N4BP1: variants seen among roughly 807,000 people sequenced by gnomAD.
N4BP1 encodes NEDD4 binding protein 1.
A neutral mutation model predicts 70.9 loss-of-function variants in N4BP1; 21 were observed. The observed-to-expected ratio is 0.30, with a 90% CI of 0.21 to 0.43. N4BP1 has a LOEUF of 0.43. N4BP1 is among the 20% of genes least tolerant of loss of function. N4BP1 has a pLI of 1.00. For missense variants in N4BP1, 936 were observed against 1,069.4 expected (o/e 0.88, Z 1.74); for synonymous variants, 387 against 394.6 (o/e 0.98, Z 0.23).
intron 1 of N4BP1, among the ~76,000 whole-genome samples, chr16:48,597,894 T>C (rs888343917): frequency 2.6e-5 from 4 of 152,078 alleles, no homozygotes; most frequent in African/African-American, 4.8e-5. Flanking sequence ...TGCTGCAAAA[T>C]GAAGAAAAAG....
rs867057164 is a variant in N4BP1 at position 48,548,776 on chromosome 16, G to A, written c.2118-662C>T. On this transcript the variant is annotated intron_variant, in intron 4 of 6. Coordinates refer to ENST00000262384, the MANE Select transcript of N4BP1 (RefSeq NM_153029.4). ...ATCAGCTGAGCCCAGGCAGGTGGAG[G>A]GTGCAGTGAGCCAAGATCGTGCCAC... Among the ~76,000 whole-genome samples the A allele has an allele frequency of 2.6e-5, 4 of 151,390 alleles. No homozygotes were observed. In the South Asian group the frequency reaches 8.4e-4, roughly 32 times the overall value.
intron 2 of N4BP1, among the ~76,000 whole-genome samples, chr16:48,558,463 G>A (rs1197840003): frequency 1.3e-5 from 2 of 152,146 alleles, no homozygotes; most frequent in Non-Finnish European, 2.9e-5. Context: ...AGCAAAGTGG[G>A]AGGGACTAGA....
intron 1 of N4BP1, among the ~76,000 whole-genome samples, chr16:48,598,150 C>A (rs1018594031): frequency 6.6e-6 from 1 of 152,204 alleles, no homozygotes; most frequent in Non-Finnish European, 1.5e-5. Context: ...AGCAAATATG[C>A]CTGCTTCCCA....
chr16:48,548,784 G>A (rs1258412862), intron 4 of N4BP1, among the ~76,000 whole-genome samples: 1 of 148,274 alleles, frequency 6.7e-6, no homozygotes, highest in Admixed American at 6.8e-5. Flanking sequence ...AGGGTGCAGT[G>A]AGCCAAGATC....
chr16:48,571,213 G>C (rs553220779), intron 1 of N4BP1, among the ~76,000 whole-genome samples: 18 of 152,326 alleles, frequency 1.2e-4, no homozygotes, highest in Non-Finnish European at 2.1e-4. Context: ...TGAGATTACT[G>C]TGCAGACACT....
chr16:48,600,494 A>C, intron 1 of N4BP1: 2 of 599,780 alleles, frequency 3.3e-6, no homozygotes, highest in South Asian at 2.9e-5. Flanking sequence ...TAATGAACAG[A>C]TTGAAGAAAA....
In N4BP1 at chr16:48,607,029, G is replaced by A. The variant is rs536692312; in HGVS notation, c.198+2746C>T. 2.0e-5 allele frequency among the ~76,000 whole-genome samples: 3 copies of A among 152,194 alleles called. No homozygotes were observed. In the South Asian group the frequency reaches 6.2e-4, roughly 32 times the overall value. ...TCCAAAACAAATTCAGAACAAAAAA[G>A]CCCTGATTGTGGCATTCAACTCTTA... is the stretch of plus-strand genomic sequence containing the variant. On this transcript the variant is annotated intron_variant, in intron 1 of 6. Transcript: ENST00000262384.
intron 1 of N4BP1, among the ~76,000 whole-genome samples, chr16:48,597,278 G>T (rs1408433808): frequency 6.6e-6 from 1 of 152,122 alleles, no homozygotes; most frequent in African/African-American, 2.4e-5. Context: ...GGTTACATTG[G>T]TATCAACTTC....
In N4BP1 at chr16:48,562,064, C is replaced by T. The variant is rs779815213; in HGVS notation, c.579G>A (p.Glu193=). ...KKELLTLTQG[E]ENLFETGDDE... ...CATCTCCTGTTTCAAAGAGATTCTC[C>T]TCACCTTGTGTGAGTGTCAAAAGTT... Residue 193 remains glutamate (E), a synonymous_variant, in exon 2 of 7, where the codon GAG becomes GAA. Transcript: ENST00000262384. 17 of 1,613,590 alleles carry T rather than the reference C, an allele frequency of 1.1e-5. No individual in the cohort carries two copies. The South Asian group carries it at 1.9e-4, about 18-fold the overall frequency.
At chr16:48,557,366 T>TA (rs756133628) in intron 2 of N4BP1, among the ~76,000 whole-genome samples, 1 of 152,030 alleles carries the variant, frequency 6.6e-6, no homozygotes, top group Non-Finnish European at 1.5e-5. Context: ...GGAGAGAGGG[T>TA]ATACAGCAGC....
chr16:48,595,476 A>AG (rs1555499401), intron 1 of N4BP1, among the ~76,000 whole-genome samples: 18 of 150,992 alleles, frequency 1.2e-4, no homozygotes, highest in African/African-American at 3.4e-4. Flanking sequence ...AAAAAAAAAA[A>AG]AAAGAAAGAA....
rs1391867751 is a variant in N4BP1 at position 48,553,602 on chromosome 16, C to G, written c.1957G>C (p.Gly653Arg). ...AIAVEYFWKL[G>R]NRNITVFVPQ... ...ACAAATACAGTGATGTTTCTGTTGC[C>G]AAGCTTCCAAAAATATTCAACTGCA... is the stretch of plus-strand genomic sequence containing the variant. The change falls in exon 3 of 7, where the codon GGC (glycine) becomes CGC (arginine). Residue 653 changes from glycine to arginine, a missense_variant. By Grantham distance (125) the Gly-to-Arg change is moderately radical (BLOSUM62 -2). This residue lies in a region of N4BP1 where 229 missense variants were observed against 343.5 expected (regional missense o/e 0.67). Coordinates refer to ENST00000262384, the MANE Select transcript of N4BP1 (RefSeq NM_153029.4). The G allele has an allele frequency of 6.2e-7, 1 of 1,606,198 alleles. No individual in the cohort carries two copies. Among genetic ancestry groups the G allele is most frequent in the Non-Finnish European group, 8.5e-7 (1 of 1,176,708 alleles).
At chr16:48,554,216 C>G (rs1198451758) in intron 2 of N4BP1, among the ~76,000 whole-genome samples, 3 of 151,142 alleles carry the variant, frequency 2.0e-5, no homozygotes, top group Non-Finnish European at 4.4e-5. Flanking sequence ...ACAACAACAA[C>G]AATGAACAGT....
intron 1 of N4BP1, among the ~76,000 whole-genome samples, chr16:48,601,343 TAGAAGC>T (rs1470087592): frequency 6.6e-6 from 1 of 152,262 alleles, no homozygotes; most frequent in Non-Finnish European, 1.5e-5. Flanking sequence ...GGCAATGATC[TAGAAGC>T]AGAGGAATCC....
intron 3 of N4BP1, 92 bp from the exon 4 acceptor site, chr16:48,551,574 G>C (rs577976363): frequency 2.3e-6 from 2 of 875,608 alleles, no homozygotes; most frequent in Non-Finnish European, 3.5e-6. Flanking sequence ...GTTTCACTTG[G>C]AGAGCTGTAG....
intron 1 of N4BP1, among the ~76,000 whole-genome samples, chr16:48,609,511 C>T (rs988264542): frequency 6.6e-6 from 1 of 152,230 alleles, no homozygotes; most frequent in African/African-American, 2.4e-5. Flanking sequence ...CATACACATC[C>T]CCCACTTTCA....
At chr16:48,608,029 T>C (rs993257720) in intron 1 of N4BP1, among the ~76,000 whole-genome samples, 1 of 152,150 alleles carries the variant, frequency 6.6e-6, no homozygotes, top group African/African-American at 2.4e-5. Flanking sequence ...GCCGGGCTAA[T>C]TTTTTGTATT....
chr16:48,599,493 A>C (rs1335333377), intron 1 of N4BP1, among the ~76,000 whole-genome samples: 1 of 152,198 alleles, frequency 6.6e-6, no homozygotes, highest in Non-Finnish European at 1.5e-5. Flanking sequence ...TTTGTACCCA[A>C]ATCTAGCAAT....
intron 1 of N4BP1, among the ~76,000 whole-genome samples, chr16:48,568,165 A>G (rs1963968510): frequency 6.6e-6 from 1 of 152,128 alleles, no homozygotes; most frequent in African/African-American, 2.4e-5. Context: ...GTGGTCCTGC[A>G]TGGCATGGCA....
Sources: allele counts gnomAD v4.1 joint callset (sites outside exome capture counted in the v4.1 genomes callset), GRCh38; gene constraint gnomAD v4.1.1; regional missense constraint gnomAD v4.1.1; transcripts MANE v1.5; gene names NCBI Gene and HGNC (gene_info 2026-07-23, HGNC 2026-07-21).